The following CD9 variants were observed in gnomAD, a reference collection of about 807,000 sequenced individuals.
The protein encoded by CD9 is CD9 antigen.
In CD9, 10 loss-of-function variants were observed where a neutral mutation model predicts 31.4. That is an observed-to-expected ratio of 0.32 (90% CI 0.20 to 0.54). The LOEUF is 0.54. CD9 is among the 20% of genes least tolerant of loss of function. The pLI is 0.94. For missense variants in CD9, 259 were observed against 300.1 expected (o/e 0.86, Z 1.01); for synonymous variants, 113 against 114.1 (o/e 0.99, Z 0.06).
At chr12:6,234,791 A>G (rs1463820496) in intron 4 of CD9, among the ~76,000 whole-genome samples, 7 of 152,270 alleles carry the variant, frequency 4.6e-5, no homozygotes, top group Non-Finnish European at 1.0e-4. Flanking sequence ...AGCTGTAGGG[A>G]CAAATGTGGA....
Position 6,235,119 on chromosome 12 carries a change from G to A in CD9, c.349-110G>A, listed in dbSNP as rs140201234. 6.9e-5 allele frequency: 56 copies of A among 807,962 alleles called. No homozygotes were observed. In the African/African-American group the frequency reaches 8.5e-4, roughly 12 times the overall value. 50.0% of individuals were successfully genotyped at this position (807,962 alleles called of 1,614,324 possible). A position where few individuals can be genotyped will look rare whatever the true frequency, so the allele number is the denominator to read the frequency against. On this transcript the variant is annotated intron_variant, in intron 4 of 7. Coordinates refer to ENST00000009180, the MANE Select transcript of CD9 (RefSeq NM_001769.4). ...GCCCAGTGACGTTGTCCAAGCACAG[G>A]CATCTGGTGGCTGAGAGCTTAGAGA... is the stretch of plus-strand genomic sequence containing the variant.
intron 1 of CD9, among the ~76,000 whole-genome samples, chr12:6,213,914 G>A (rs886900689): frequency 6.6e-6 from 1 of 152,180 alleles, no homozygotes; most frequent in Non-Finnish European, 1.5e-5. Context: ...GCTGCAGCAG[G>A]CAGGGAAACC....
chr12:6,235,468 C>T lies in CD9; in HGVS notation c.448-8C>T, dbSNP rs200846062. On this transcript the variant is annotated splice_polypyrimidine_tract_variant and splice_region_variant and intron_variant, in intron 5 of 7. Coordinates refer to ENST00000009180, the MANE Select transcript of CD9 (RefSeq NM_001769.4). ...TCTCTCATCCCCATCCCTGCCTTCT[C>T]GCTGTAGTTGAACTGCTGTGGTTTG... is the stretch of plus-strand genomic sequence containing the variant. 6.7e-5 allele frequency: 108 copies of T among 1,613,732 alleles called. No homozygotes were observed. Among genetic ancestry groups the T allele is most frequent in the African/African-American group, 5.3e-5 (4 of 74,938 alleles).
intron 1 of CD9, among the ~76,000 whole-genome samples, chr12:6,204,074 G>A (rs985580208): frequency 6.6e-6 from 1 of 152,196 alleles, no homozygotes; most frequent in African/African-American, 2.4e-5. Flanking sequence ...TCAGAGACCT[G>A]GATGTGAGCC....
rs112266344 is a variant in CD9 at position 6,211,558 on chromosome 12, G to A, written c.66+10993G>A. Among the ~76,000 whole-genome samples the A allele has an allele frequency of 5.2e-3, 795 of 152,316 alleles. 6 individuals carry two copies. Among genetic ancestry groups the A allele is most frequent in the African/African-American group, 0.018 (750 of 41,580 alleles). On this transcript the variant is annotated intron_variant, in intron 1 of 7. Transcript: ENST00000009180. Reference sequence around the variant, plus strand: ...ACTCAGGGCCACGCACGCACGTGGCGGCCAACTCTGCAGATGGAATGAGAG... The same window carrying A: ...ACTCAGGGCCACGCACGCACGTGGCAGCCAACTCTGCAGATGGAATGAGAG...
intron 1 of CD9, among the ~76,000 whole-genome samples, chr12:6,208,236 AAAAAG>A (rs1236804238): frequency 3.3e-5 from 5 of 151,830 alleles, no homozygotes; most frequent in Admixed American, 6.6e-5. Context: ...AAAAAAAAAA[AAAAAG>A]AAAAGAAAAG....
intron 4 of CD9, 131 bp downstream of exon 4, chr12:6,233,617 C>T (rs1946479587): frequency 5.7e-6 from 4 of 704,758 alleles, no homozygotes; most frequent in Non-Finnish European, 1.0e-5. Context: ...CTCATCGCGT[C>T]CCTGTGTGCC....
chr12:6,212,229 G>A (rs1358768231), intron 1 of CD9, among the ~76,000 whole-genome samples: 1 of 152,166 alleles, frequency 6.6e-6, no homozygotes, highest in Non-Finnish European at 1.5e-5. Context: ...TGCCTGCTCT[G>A]TGACCACGGG....
chr12:6,226,119 G>A (rs563621123), intron 2 of CD9, among the ~76,000 whole-genome samples: 1 of 152,296 alleles, frequency 6.6e-6, no homozygotes, highest in South Asian at 2.1e-4. Flanking sequence ...CACGACTTTT[G>A]CTTTGGGAGA....
At chr12:6,212,747 T>C (rs1946205591) in intron 1 of CD9, among the ~76,000 whole-genome samples, 1 of 152,172 alleles carries the variant, frequency 6.6e-6, no homozygotes, top group African/African-American at 2.4e-5. Context: ...GTAGGTACCA[T>C]AATCATCTCA....
chr12:6,200,732 C>G (rs1946065488), intron 1 of CD9, 167 bp downstream of exon 1: 1 of 495,092 alleles, frequency 2.0e-6, no homozygotes. Flanking sequence ...AAGGCCGGGT[C>G]CAGAGCCGGG....
At chr12:6,234,748 A>G (rs545888553) in intron 4 of CD9, among the ~76,000 whole-genome samples, 2 of 152,366 alleles carry the variant, frequency 1.3e-5, no homozygotes, top group South Asian at 4.1e-4. Context: ...TTAACATGCA[A>G]TATTTCATTT....
chr12:6,216,494 C>G (rs993649370), intron 1 of CD9, among the ~76,000 whole-genome samples: 10 of 152,220 alleles, frequency 6.6e-5, no homozygotes, highest in African/African-American at 2.2e-4. Context: ...AGGAAAATCC[C>G]CTCTCTCTCT....
chr12:6,208,893 ATACAGTG>A (rs1358343776), intron 1 of CD9, among the ~76,000 whole-genome samples: 1 of 151,874 alleles, frequency 6.6e-6, no homozygotes, highest in Non-Finnish European at 1.5e-5. Context: ...TAGTATGATA[ATACAGTG>A]TACTGATTTA....
chr12:6,214,597 C>A (rs922470581), intron 1 of CD9, among the ~76,000 whole-genome samples: 5 of 152,064 alleles, frequency 3.3e-5, no homozygotes, highest in Admixed American at 2.0e-4. Flanking sequence ...ATTCCGCCCC[C>A]CTCTCAGCCT....
At chr12:6,225,145 G>C (rs1946346155) in intron 1 of CD9, 1 of 403,910 alleles carries the variant, frequency 2.5e-6, no homozygotes, top group Non-Finnish European at 4.5e-6. Context: ...TGTAGCTAGA[G>C]TTACTCGTTT....
chr12:6,222,030 G>A (rs950198334), intron 1 of CD9, among the ~76,000 whole-genome samples: 1 of 152,060 alleles, frequency 6.6e-6, no homozygotes, highest in African/African-American at 2.4e-5. Flanking sequence ...AGCCGGATGG[G>A]GACAGGGGAG....
At chr12:6,228,143 G>A (rs1339607542) in intron 2 of CD9, among the ~76,000 whole-genome samples, 2 of 152,186 alleles carry the variant, frequency 1.3e-5, no homozygotes, top group Admixed American at 6.5e-5. Flanking sequence ...CCTTTGCAGC[G>A]ACACCCCATT....
intron 1 of CD9, 155 bp downstream of exon 1, chr12:6,200,720 C>A: frequency 1.9e-6 from 1 of 534,320 alleles, no homozygotes; most frequent in Non-Finnish European, 3.3e-6. Flanking sequence ...CCAGCTGGCT[C>A]CAAGGCCGGG....
Sources: gnomAD v4.1 joint callset for allele counts (sites outside exome capture counted in the v4.1 genomes callset) on GRCh38, gnomAD v4.1.1 for gene constraint, MANE v1.5 for transcripts, NCBI Gene and HGNC (gene_info 2026-07-23, HGNC 2026-07-21) for gene names.